NRXN2: variants seen among roughly 807,000 people sequenced by gnomAD.
NRXN2 encodes the protein neurexin-2-beta.
In NRXN2, 29 loss-of-function variants were observed where a neutral mutation model predicts 128.8. That is an observed-to-expected ratio of 0.23 (90% confidence interval 0.17 to 0.31). NRXN2 has a LOEUF of 0.31. Among genes scored for constraint, NRXN2 ranks in the 10% least tolerant of loss-of-function variants. The probability of loss-of-function intolerance (pLI) is 1.00; values close to 1 mark genes in which losing one functional copy is unlikely to be tolerated. For missense variants in NRXN2, 1,881 were observed against 2,452.6 expected (o/e 0.77, Z 4.92); for synonymous variants, 1,098 against 1,075.2 (o/e 1.02, Z -0.41).
At chr11:64,613,651 G>A (rs761614124) in intron 22 of NRXN2, among the ~76,000 whole-genome samples, 7 of 152,230 alleles carry the variant, frequency 4.6e-5, no homozygotes. Context: ...GCCACCTGCT[G>A]ATCAGGCATA....
chr11:64,669,241 C>A (rs2050305394), intron 7 of NRXN2, among the ~76,000 whole-genome samples: 1 of 152,116 alleles, frequency 6.6e-6, no homozygotes, highest in Non-Finnish European at 1.5e-5. Context: ...TGATTTCCAC[C>A]CCTGCAGCCC....
At chr11:64,690,931 A>C (rs957990188) in intron 4 of NRXN2, among the ~76,000 whole-genome samples, 1 of 151,942 alleles carries the variant, frequency 6.6e-6, no homozygotes, top group South Asian at 2.1e-4. Flanking sequence ...TTAAGTTCAC[A>C]CTTCCCAACT....
intron 17 of NRXN2, among the ~76,000 whole-genome samples, chr11:64,644,146 A>G (rs1290262061): frequency 6.6e-6 from 1 of 152,126 alleles, no homozygotes; most frequent in Non-Finnish European, 1.5e-5. Flanking sequence ...ACATCCGTGC[A>G]CACACACGTT....
In NRXN2 at chr11:64,650,519, A is replaced by G; in HGVS notation, c.3038T>C (p.Val1013Ala). ...NVVVSRDPGN[V>A]HTLKIDSRTV... The stretch of plus-strand genomic sequence containing the variant: ...GCGGGAGTCAATCTTGAGCGTGTGC[A>G]CGTTGCCTGGGTCCCTGGACACCAC... Residue 1013 changes from valine to alanine, a missense_variant, in exon 15 of 23, where the codon GTG (valine) becomes GCG (alanine). This residue lies in a region of NRXN2 where 390 missense variants were observed against 599.6 expected (regional missense o/e 0.65). Coordinates refer to ENST00000265459, the MANE Select transcript of NRXN2 (RefSeq NM_015080.4). The G allele has an allele frequency of 6.2e-7, 1 of 1,614,172 alleles. No individual in the cohort carries two copies. Among genetic ancestry groups the G allele is most frequent in the Non-Finnish European group, 8.5e-7 (1 of 1,180,026 alleles).
chr11:64,651,230 A>G lies in NRXN2; in HGVS notation c.2918+25T>C. On this transcript the variant is annotated intron_variant, in intron 14 of 22. Coordinates refer to ENST00000265459, the MANE Select transcript of NRXN2 (RefSeq NM_015080.4). This position sits in a 1 kb window ranked among gnomAD's most constrained non-coding sequence, Gnocchi z 5.9. ...AGGGGGAGGGGGCCACCTCCTTGAC[A>G]GCAGTGCAATCCCCAGCCCCTCACC... 1.9e-6 allele frequency: 3 copies of G among 1,613,662 alleles called. No individual in the cohort carries two copies. The highest frequency in any genetic ancestry group is 2.5e-6 in the Non-Finnish European group (3 of 1,179,996).
At position 64,635,144 on chromosome 11, in the gene NRXN2, G is replaced by A. The variant is rs1454452948; in HGVS notation, c.3585+127C>T. On this transcript the variant is annotated intron_variant, in intron 18 of 22. Transcript: ENST00000265459. The surrounding 1 kb of genome is among the most constrained non-coding windows in gnomAD (Gnocchi z 4.8). The stretch of plus-strand genomic sequence containing the variant: ...TCTTAGCAGGAAGCTCCAGCAATGA[G>A]GGAACAGAGGTTCTGAGGGTTCCCC... The A allele has an allele frequency of 3.8e-6, 4 of 1,052,326 alleles. No individual in the cohort carries two copies. The South Asian group carries it at 4.2e-5, about 11-fold the overall frequency. 65.2% of individuals were successfully genotyped at this position (1,052,326 alleles called of 1,614,324 possible). A position where few individuals can be genotyped will look rare whatever the true frequency, so the allele number is the denominator to read the frequency against.
In NRXN2 at chr11:64,660,738, G is replaced by A. The variant is rs911986903; in HGVS notation, c.2185+15C>T. ...GATAGGGAGCAGGGACACCTAGGAT[G>A]AAGACCAGCCTCACCTCTCTCACAG... On this transcript the variant is annotated intron_variant, in intron 10 of 22. Coordinates refer to ENST00000265459, the MANE Select transcript of NRXN2 (RefSeq NM_015080.4). This position sits in a 1 kb window ranked among gnomAD's most constrained non-coding sequence, Gnocchi z 5.2. 1 of 1,608,756 alleles carries A rather than the reference G, an allele frequency of 6.2e-7. No homozygotes were observed. Among genetic ancestry groups the A allele is most frequent in the Non-Finnish European group, 8.5e-7 (1 of 1,179,990 alleles).
chr11:64,642,455 G>A, intron 17 of NRXN2: 1 of 1,492,004 alleles, frequency 6.7e-7, no homozygotes, highest in Non-Finnish European at 8.9e-7. Flanking sequence ...CTGGGGTGGG[G>A]CCCGCGGGGG....
chr11:64,645,248 G>A (rs1001499667), intron 17 of NRXN2, among the ~76,000 whole-genome samples: 4 of 152,214 alleles, frequency 2.6e-5, no homozygotes. Flanking sequence ...GGGAGGAGCC[G>A]GTGGCGAGAG....
chr11:64,690,517 G>T (rs773142300), intron 4 of NRXN2, 41 bp from the exon 5 acceptor site: 1 of 1,551,078 alleles, frequency 6.4e-7, no homozygotes, highest in South Asian at 1.1e-5. Context: ...AGGGGGTACC[G>T]AGCCAGTCCC....
At chr11:64,693,533 G>C (rs2135591447) in intron 3 of NRXN2, among the ~76,000 whole-genome samples, 1 of 152,262 alleles carries the variant, frequency 6.6e-6, no homozygotes, top group African/African-American at 2.4e-5. Context: ...AAGGGGGAAA[G>C]ATGGGGGGAT....
chr11:64,650,293 A>G (rs1481801881), intron 15 of NRXN2, among the ~76,000 whole-genome samples, 155 bp downstream of exon 15: 2 of 152,030 alleles, frequency 1.3e-5, no homozygotes, highest in African/African-American at 2.4e-5. Flanking sequence ...CTTGGACAGG[A>G]AGATGTCAGG....
Position 64,648,898 on chromosome 11 carries a change from T to C in NRXN2, c.3119A>G (p.Tyr1040Cys). Residue 1040 changes from tyrosine (Y) to cysteine (C), a missense_variant, in exon 16 of 23, where the codon TAC (tyrosine) becomes TGC (cysteine). By Grantham distance (194) the Tyr-to-Cys change is radical. Around this residue, in one of 7 missense-constraint regions of NRXN2, gnomAD observed 390 missense variants for 599.6 expected, o/e 0.65. Transcript: ENST00000265459. This position sits in a 1 kb window ranked among gnomAD's most constrained non-coding sequence, Gnocchi z 4.1. The part of the protein sequence containing the change: ...ARNLDLKGEL[Y>C]IGGLSKNMFS... ...CATATTCTTGCTCAGACCGCCAATG[T>C]ACAACTCCCCTGCAAAGGGAGTGGG... 1 of 1,614,168 alleles carries C rather than the reference T, an allele frequency of 6.2e-7. No homozygotes were observed. The highest frequency in any genetic ancestry group is 1.3e-5 in the African/African-American group (1 of 75,024).
chr11:64,715,172 A>G (rs1026767780), intron 1 of NRXN2, among the ~76,000 whole-genome samples: 1 of 152,182 alleles, frequency 6.6e-6, no homozygotes, highest in African/African-American at 2.4e-5. Context: ...TCCAAATCCA[A>G]ACAGCATTTG....
In NRXN2 at chr11:64,635,728, G is replaced by C. The variant is rs1443042030; in HGVS notation, c.3404-276C>G. 6.6e-6 allele frequency among the ~76,000 whole-genome samples: 1 copy of C among 152,216 alleles called. No individual in the cohort carries two copies. Among genetic ancestry groups the C allele is most frequent in the East Asian group, 1.9e-4 (1 of 5,198 alleles). ...AATAGAGAGGTAATAGAGTGACACA[G>C]AGAGAGAGCCCAGAGAGAAGCTGTA... On this transcript the variant is annotated intron_variant, in intron 17 of 22. Coordinates refer to ENST00000265459, the MANE Select transcript of NRXN2 (RefSeq NM_015080.4). The surrounding 1 kb of genome is among the most constrained non-coding windows in gnomAD (Gnocchi z 4.8).
chr11:64,653,856 C>T (rs1003787267), intron 11 of NRXN2, 134 bp from the exon 12 acceptor site: 6 of 664,224 alleles, frequency 9.0e-6, no homozygotes, highest in East Asian at 5.5e-5. Flanking sequence ...CCGGGGACCA[C>T]GCGTGCCCAG....
At chr11:64,681,116 T>TAA (rs555728992) in intron 6 of NRXN2, among the ~76,000 whole-genome samples, 2 of 118,042 alleles carry the variant, frequency 1.7e-5, no homozygotes, top group African/African-American at 3.0e-5. Context: ...AAAAAAAAAG[T>TAA]AAAAAAAAAA....
intron 22 of NRXN2, among the ~76,000 whole-genome samples, chr11:64,613,645 C>T (rs1346804711): frequency 3.9e-5 from 6 of 152,210 alleles, no homozygotes; most frequent in Admixed American, 6.5e-5. Flanking sequence ...AGCAGAGCCA[C>T]CTGCTGATCA....
Position 64,685,715 on chromosome 11 carries a change from C to G in NRXN2, c.1083G>C (p.Val361=). The change falls in exon 6 of 23, where the codon GTG becomes GTC. Residue 361 remains valine, a synonymous_variant. Transcript: ENST00000265459. ...CGTTGAACTTGCCATTGACGGGTTC[C>G]ACAAGGGCCTCGAAGGCACCTGAGC... is the stretch of plus-strand genomic sequence containing the variant. The part of the protein sequence containing the change: ...NLGSGAFEAL[V]EPVNGKFNDN... The G allele has an allele frequency of 6.2e-7, 1 of 1,614,206 alleles. No homozygotes were observed. The highest frequency in any genetic ancestry group is 1.3e-5 in the African/African-American group (1 of 75,044).
Sources: allele counts gnomAD v4.1 joint callset (sites outside exome capture counted in the v4.1 genomes callset), GRCh38; gene constraint gnomAD v4.1.1; regional missense constraint gnomAD v4.1.1; non-coding constraint Gnocchi (gnomAD v3.1); transcripts MANE v1.5; gene names NCBI Gene and HGNC (gene_info 2026-07-23, HGNC 2026-07-21).